The following DGKK variants were observed in gnomAD, a reference collection of about 807,000 sequenced individuals.
DGKK encodes 142 kDa diacylglycerol kinase.
DGKK carries 35 observed loss-of-function variants against 92.2 expected under a neutral mutation model. The ratio of observed to expected loss-of-function variants is 0.38; its 90% CI spans 0.29 to 0.50. The LOEUF (loss-of-function observed/expected upper bound fraction) is 0.50. Ranked by LOEUF, DGKK falls within the 20% of genes least tolerant of loss-of-function variation. DGKK has a pLI of 0.92. For missense variants in DGKK, 910 were observed against 992.2 expected (o/e 0.92, Z 1.11); for synonymous variants, 368 against 360.6 (o/e 1.02, Z -0.23).
intron 1 of DGKK, among the ~76,000 whole-genome samples, chrX:50,451,698 C>G (rs1934172): frequency 0.45 from 49,694 of 110,026 alleles, 9,652 homozygotes; most frequent in African/African-American, 0.76. Flanking sequence ...ATTATGGCAA[C>G]AGGCAAGAAC....
rs1298571528 is a variant in DGKK at position 50,376,752 on chromosome X, A to G, written c.3272+6T>C. 2.5e-6 allele frequency: 3 copies of G among 1,181,710 alleles called. No homozygotes were observed. The highest frequency in any genetic ancestry group is 2.3e-6 in the Non-Finnish European group (2 of 879,112). ...CTCAGCCCTGTATCTAGGCCAGTCC[A>G]CTTACTTGCTGATGAGGTTTTCTGC... On this transcript the variant is annotated splice_donor_region_variant and intron_variant, in intron 23 of 27. Coordinates refer to ENST00000611977, the MANE Select transcript of DGKK (RefSeq NM_001013742.4).
At chrX:50,440,050 C>T (rs141959978) in intron 1 of DGKK, among the ~76,000 whole-genome samples, 1,407 of 111,443 alleles carry the variant, frequency 0.013, 17 homozygotes, top group African/African-American at 0.044. Context: ...ATTGACATTT[C>T]GAATCTAATG....
intron 4 of DGKK, among the ~76,000 whole-genome samples, chrX:50,415,133 A>C (rs1925400900): frequency 9.0e-6 from 1 of 111,485 alleles, no homozygotes; most frequent in Non-Finnish European, 1.9e-5. Context: ...TTCTGTTCTA[A>C]CAGAGAATCA....
intron 17 of DGKK, among the ~76,000 whole-genome samples, chrX:50,382,982 G>A (rs185325535): frequency 4.5e-5 from 5 of 111,915 alleles, no homozygotes; most frequent in East Asian, 5.6e-4. Flanking sequence ...AGACACAAAC[G>A]TGCCATGACA....
rs781922017 is a variant in DGKK at position 50,392,430 on chromosome X, A to G, written c.1615T>C (p.Phe539Leu). The G allele has an allele frequency of 8.3e-7, 1 of 1,211,042 alleles. No individual in the cohort carries two copies. The highest frequency in any genetic ancestry group is 1.8e-5 in the South Asian group (1 of 56,980). Residue 539 changes from phenylalanine to leucine, a missense_variant, in exon 10 of 28, where the codon TTT becomes CTT. Transcript: ENST00000611977. Reference sequence around the variant, plus strand: ...CAAACCAGAATGCGAAAGCGAGCAAAGTTCTTGAACATAGACAGCCTGGAA... The same window carrying G: ...CAAACCAGAATGCGAAAGCGAGCAAGGTTCTTGAACATAGACAGCCTGGAA... ...PEAGLSMFKN[F>L]ARFRILVCGG...
At chrX:50,445,347 T>C (rs1300789223) in intron 1 of DGKK, among the ~76,000 whole-genome samples, 2 of 110,998 alleles carry the variant, frequency 1.8e-5, no homozygotes, top group Non-Finnish European at 3.8e-5. Context: ...CATCATGAAA[T>C]CTTTGCCAAG....
At chrX:50,431,353 G>A (rs1379427171) in intron 1 of DGKK, among the ~76,000 whole-genome samples, 2 of 111,008 alleles carry the variant, frequency 1.8e-5, no homozygotes, top group African/African-American at 6.6e-5. Context: ...AAGGCTTTGG[G>A]GAATTATTTA....
chrX:50,371,362 A>G (rs1557223148), intron 26 of DGKK, among the ~76,000 whole-genome samples: 1 of 112,120 alleles, frequency 8.9e-6, no homozygotes, highest in African/African-American at 3.2e-5. Flanking sequence ...GAACCAGATG[A>G]AGTTCAGTCC....
chrX:50,443,704 TTG>T (rs58486620), intron 1 of DGKK, among the ~76,000 whole-genome samples: 1,767 of 99,113 alleles, frequency 0.018, 25 homozygotes, highest in African/African-American at 0.054. Flanking sequence ...TGCACTCATT[TTG>T]TGTGTGTGTG....
Position 50,388,584 on chromosome X carries a change from G to A in DGKK, c.1961C>T (p.Thr654Ile). 1 of 1,208,366 alleles carries A rather than the reference G, an allele frequency of 8.3e-7. No individual in the cohort carries two copies. The highest frequency in any genetic ancestry group is 1.1e-6 in the Non-Finnish European group (1 of 893,896). ...GGCCTTCAGGATTTTGTTCAACTCGGTGGCTGCAGATTCTAAGTGTTGGAT... is the reference window on the plus strand; with the variant it reads ...GGCCTTCAGGATTTTGTTCAACTCGATGGCTGCAGATTCTAAGTGTTGGAT... ...AAIQHLESAA[T>I]ELNKILKAKY... Residue 654 changes from threonine (T) to isoleucine (I), a missense_variant, in exon 13 of 28, where the codon ACC (threonine) becomes ATC (isoleucine). Coordinates refer to ENST00000611977, the MANE Select transcript of DGKK (RefSeq NM_001013742.4).
chrX:50,461,793 T>G (rs1357008118), intron 1 of DGKK, among the ~76,000 whole-genome samples: 1 of 112,249 alleles, frequency 8.9e-6, no homozygotes, highest in East Asian at 2.8e-4. Context: ...TTTAAAGAAA[T>G]AAATGAATTT....
chrX:50,396,724 C>T (rs1419623300), intron 8 of DGKK, among the ~76,000 whole-genome samples: 2 of 111,429 alleles, frequency 1.8e-5, no homozygotes, highest in African/African-American at 6.5e-5. Flanking sequence ...TGAATTTCAG[C>T]AAGGCCAAGT....
intron 4 of DGKK, among the ~76,000 whole-genome samples, chrX:50,404,528 C>T (rs112281787): frequency 9.5e-6 from 1 of 105,595 alleles, no homozygotes; most frequent in Non-Finnish European, 1.9e-5. Flanking sequence ...TCACTGCAAC[C>T]TCCGCCTCCC....
At chrX:50,410,953 G>A (rs1175838043) in intron 4 of DGKK, among the ~76,000 whole-genome samples, 1 of 111,330 alleles carries the variant, frequency 9.0e-6, no homozygotes, top group Non-Finnish European at 1.9e-5. Flanking sequence ...GGGGCTCACA[G>A]TAATCAATGT....
At chrX:50,440,990 A>G (rs1291709793) in intron 1 of DGKK, among the ~76,000 whole-genome samples, 3 of 111,543 alleles carry the variant, frequency 2.7e-5, no homozygotes, top group Non-Finnish European at 5.7e-5. Flanking sequence ...TTCAATCCTC[A>G]TGGCTTCCTG....
intron 4 of DGKK, among the ~76,000 whole-genome samples, chrX:50,414,285 A>G (rs1296777218): frequency 2.7e-5 from 3 of 111,391 alleles, no homozygotes; most frequent in Non-Finnish European, 5.7e-5. Context: ...CAGCAGGGTA[A>G]CTATAGTCAA....
At chrX:50,455,673 A>C (rs2147150454) in intron 1 of DGKK, among the ~76,000 whole-genome samples, 1 of 111,602 alleles carries the variant, frequency 9.0e-6, no homozygotes, top group South Asian at 3.8e-4. Context: ...CATTTGGAGG[A>C]TTTTCATCAA....
At chrX:50,459,651 GGA>G (rs1168283087) in intron 1 of DGKK, among the ~76,000 whole-genome samples, 2 of 110,950 alleles carry the variant, frequency 1.8e-5, no homozygotes, top group Non-Finnish European at 3.8e-5. Context: ...TTCAAGCAGA[GGA>G]GATCATAACA....
At chrX:50,409,318 CAA>C (rs112423212) in intron 4 of DGKK, among the ~76,000 whole-genome samples, 892 of 79,450 alleles carry the variant, frequency 0.011, 5 homozygotes, top group Middle Eastern at 0.051. Context: ...AGGAAGAAGC[CAA>C]AAAAAAAAAA....
Sources: gnomAD v4.1 joint callset for allele counts (sites outside exome capture counted in the v4.1 genomes callset) on GRCh38, gnomAD v4.1.1 for gene constraint, MANE v1.5 for transcripts, NCBI Gene and HGNC (gene_info 2026-07-23, HGNC 2026-07-21) for gene names.